TENM1: variants seen among roughly 807,000 people sequenced by gnomAD.
The protein encoded by TENM1 is teneurin transmembrane protein 1.
TENM1 carries 35 observed loss-of-function variants against 174.8 expected under a neutral mutation model. That is an observed-to-expected ratio of 0.20 (90% CI 0.15 to 0.27). The LOEUF is 0.27. Among genes scored for constraint, TENM1 ranks in the 10% least tolerant of loss-of-function variants. TENM1 has a pLI of 1.00. For synonymous variants in TENM1, 781 were observed against 798.7 expected (o/e 0.98, Z 0.37); for missense variants, 1,633 against 2,130.1 (o/e 0.77, Z 4.59).
intron 11 of TENM1, among the ~76,000 whole-genome samples, chrX:124,592,871 T>C (rs1216112896): frequency 9.1e-6 from 1 of 110,119 alleles, no homozygotes; most frequent in Non-Finnish European, 1.9e-5. Flanking sequence ...GCTTCTATAG[T>C]TCTATGCACT....
chrX:124,963,817 C>T (rs2058690974), exon 1 of TENM1: 1 of 939,537 alleles, frequency 1.1e-6, no homozygotes, highest in Admixed American at 2.7e-5. Context: ...TGCAAGCAGT[C>T]CTGGAAGAGA....
At chrX:124,405,356 T>C in intron 26 of TENM1, 90 bp from the exon 30 acceptor site, 1 of 746,801 alleles carries the variant, frequency 1.3e-6, no homozygotes, top group East Asian at 3.4e-5. Context: ...GGAGGCACGT[T>C]TGGGGGATAA....
chrX:124,650,848 G>A (rs902376699), intron 8 of TENM1, among the ~76,000 whole-genome samples: 1 of 111,529 alleles, frequency 9.0e-6, no homozygotes, highest in Admixed American at 9.6e-5. Flanking sequence ...TTTTTCTCTA[G>A]GGGAAACATC....
chrX:124,908,332 C>T (rs906623590), intron 1 of TENM1, among the ~76,000 whole-genome samples: 1 of 110,723 alleles, frequency 9.0e-6, no homozygotes, highest in Non-Finnish European at 1.9e-5. Context: ...AGCCCCCTAC[C>T]TCCTGACAGG....
intron 18 of TENM1, among the ~76,000 whole-genome samples, chrX:124,508,731 A>T (rs1306671409): frequency 8.9e-6 from 1 of 111,851 alleles, no homozygotes; most frequent in Non-Finnish European, 1.9e-5. Context: ...GCCTAGCTGC[A>T]TAAAAGCCAA....
chrX:125,174,636 TA>T, the TENM1 span, among the ~76,000 whole-genome samples: 1 of 111,619 alleles, frequency 9.0e-6, no homozygotes, highest in East Asian at 2.8e-4. Flanking sequence ...TATTCCACAA[TA>T]AAAACATTCT....
rs752201512 is a variant in TENM1 at position 124,839,636 on chromosome X, GATGA to G, written c.535+54656_535+54659del. On this transcript the variant is annotated intron_variant, in intron 3 of 31. Transcript: ENST00000422452. ...GTGTCATCATTAGCTCTGTTCTTCTGATGAAAATGTTTATTAGCTAGTCATAAAA... is the reference window on the plus strand; with the variant it reads ...GTGTCATCATTAGCTCTGTTCTTCTGAAATGTTTATTAGCTAGTCATAAAA... Among the ~76,000 whole-genome samples, 30 of 111,839 alleles carry G rather than the reference GATGA, an allele frequency of 2.7e-4. No homozygotes were observed. In the South Asian group the frequency reaches 0.011, roughly 42 times the overall value.
At chrX:124,671,521 A>C (rs934683488) in intron 6 of TENM1, among the ~76,000 whole-genome samples, 162 bp downstream of exon 9, 1 of 112,049 alleles carries the variant, frequency 8.9e-6, no homozygotes, top group Admixed American at 9.5e-5. Context: ...AACAAGGAAA[A>C]TTTGCTTTCA....
At chrX:124,551,599 G>A (rs571036848) in intron 14 of TENM1, among the ~76,000 whole-genome samples, 5 of 110,733 alleles carry the variant, frequency 4.5e-5, no homozygotes, top group South Asian at 3.9e-4. Flanking sequence ...GAAGAAAACC[G>A]TTGGATGTAA....
chrX:125,014,864 C>A, the TENM1 span, among the ~76,000 whole-genome samples: 1 of 111,578 alleles, frequency 9.0e-6, no homozygotes, highest in African/African-American at 3.3e-5. Context: ...GAAAATAACA[C>A]TCTCAATGGA....
chrX:125,037,333 T>A, the TENM1 span, among the ~76,000 whole-genome samples: 1 of 110,400 alleles, frequency 9.1e-6, no homozygotes, highest in African/African-American at 3.3e-5. Context: ...CTACTCAACA[T>A]ACCACGGGGT....
intron 3 of TENM1, among the ~76,000 whole-genome samples, chrX:124,751,691 T>C (rs1399527490): frequency 1.1e-5 from 1 of 88,687 alleles, no homozygotes; most frequent in Non-Finnish European, 2.2e-5. Context: ...CCTTCCTGTG[T>C]CCATGTGTTC....
chrX:124,387,190 A>G (rs765494124), intron 28 of TENM1, among the ~76,000 whole-genome samples: 1 of 109,549 alleles, frequency 9.1e-6, no homozygotes, highest in African/African-American at 3.3e-5. Context: ...TGTCATTAAA[A>G]CTGAATGATT....
intron 15 of TENM1, among the ~76,000 whole-genome samples, chrX:124,539,165 C>T (rs1488093494): frequency 8.9e-6 from 1 of 111,747 alleles, no homozygotes; most frequent in Non-Finnish European, 1.9e-5. Flanking sequence ...TTTGATTCAA[C>T]AGGCCCCTAA....
chrX:124,610,260 T>C (rs1223235286), intron 11 of TENM1, among the ~76,000 whole-genome samples: 1 of 112,350 alleles, frequency 8.9e-6, no homozygotes, highest in African/African-American at 3.2e-5. Flanking sequence ...CAAAATATTA[T>C]CAGATTCTGT....
chrX:124,753,000 G>A (rs991277528), intron 3 of TENM1, among the ~76,000 whole-genome samples: 16 of 108,342 alleles, frequency 1.5e-4, no homozygotes, highest in Non-Finnish European at 2.5e-4. Context: ...CCATATGAAC[G>A]TTAGTTTTTT....
chrX:125,051,183 A>C, the TENM1 span, among the ~76,000 whole-genome samples: 4 of 111,612 alleles, frequency 3.6e-5, no homozygotes, highest in East Asian at 8.5e-4. Context: ...ACCACTGCTC[A>C]AGGAAATAAA....
chrX:125,200,654 TGAGAGAGA>T, the TENM1 span, among the ~76,000 whole-genome samples: 173 of 92,419 alleles, frequency 1.9e-3, 1 homozygote, highest in African/African-American at 6.1e-3. Flanking sequence ...TGTGTGTGTG[TGAGAGAGA>T]GAGAGAGAGA....
the TENM1 span, among the ~76,000 whole-genome samples, chrX:125,147,502 C>T: frequency 9.0e-6 from 1 of 111,496 alleles, no homozygotes. Context: ...AATAGACTCT[C>T]TACTTAAATC....
Sources: gnomAD v4.1 joint callset for allele counts (sites outside exome capture counted in the v4.1 genomes callset) on GRCh38, gnomAD v4.1.1 for gene constraint, MANE v1.5 for transcripts, NCBI Gene and HGNC (gene_info 2026-07-23, HGNC 2026-07-21) for gene names.